The following MINDY2 variants were observed in gnomAD, a reference collection of about 807,000 sequenced individuals.
MINDY2 encodes the protein MINDY lysine 48 deubiquitinase 2, also known as ubiquitin carboxyl-terminal hydrolase MINDY-2.
Under a neutral mutation model 68.2 loss-of-function variants are expected in MINDY2, and 52 were observed. The ratio of observed to expected loss-of-function variants is 0.76; its 90% CI spans 0.61 to 0.96. The LOEUF (loss-of-function observed/expected upper bound fraction) is 0.96, where lower values mean the gene tolerates loss of function less well. Ranked by LOEUF, MINDY2 falls within the 40% of genes least tolerant of loss-of-function variation. The probability of loss-of-function intolerance (pLI) is 0.00; values close to 1 mark genes in which losing one functional copy is unlikely to be tolerated. For synonymous variants in MINDY2, 372 were observed against 303.0 expected, an observed-to-expected ratio of 1.23 and a Z score of -2.36; for missense variants, 881 against 773.4, an observed-to-expected ratio of 1.14 and a Z score of -1.65.
rs535488988 is a variant in MINDY2, at chr15:58,857,398, G to C, written c.*2788G>C. On this transcript the variant is annotated 3_prime_UTR_variant, in exon 9 of 9. Transcript: ENST00000559228. ...AAAATACAATAATTAGCCAGGCATGGTGGCGGGCACCTGTCATCCCAGCTA... is the reference window on the plus strand; with the variant it reads ...AAAATACAATAATTAGCCAGGCATGCTGGCGGGCACCTGTCATCCCAGCTA... 1 of 152,380 alleles carries C rather than the reference G, an allele frequency of 6.6e-6. No individual in the cohort carries two copies. Among genetic ancestry groups the C allele is most frequent in the East Asian group, 1.9e-4 (1 of 5,190 alleles). The allele number at this position is 152,380 out of a possible 1,614,324, so 9.4% of individuals were successfully genotyped here.
intron 2 of MINDY2, among the ~76,000 whole-genome samples, chr15:58,795,068 C>T (rs1902191828): frequency 6.6e-6 from 1 of 151,724 alleles, no homozygotes; most frequent in African/African-American, 2.4e-5. Context: ...CCCAGCTGCT[C>T]GGGAGGCGGA....
intron 5 of MINDY2, among the ~76,000 whole-genome samples, chr15:58,826,933 C>A (rs991460550): frequency 6.6e-6 from 1 of 151,978 alleles, no homozygotes. Context: ...TTGCTTCCTC[C>A]CTCCTTTCCT....
At position 58,847,489 on chromosome 15, in the gene MINDY2, C is replaced by G. The variant is rs756359477; in HGVS notation, c.1542+19C>G. ...AGATCAGGTAAATTTGTATTGTCGT[C>G]TTTATAGTGGTTAAAATGCTGATTT... is the stretch of plus-strand genomic sequence containing the variant. On this transcript the variant is annotated intron_variant, in intron 7 of 8. Transcript: ENST00000559228. 1 of 1,502,186 alleles carries G rather than the reference C, an allele frequency of 6.7e-7. No individual in the cohort carries two copies. The highest frequency in any genetic ancestry group is 9.0e-7 in the Non-Finnish European group (1 of 1,110,382). The allele number at this position is 1,502,186 out of a possible 1,614,324, so 93.1% of individuals were successfully genotyped here. A position where few individuals can be genotyped will look rare whatever the true frequency, so the allele number is the denominator to read the frequency against.
At chr15:58,848,067 G>A (rs898093004) in intron 7 of MINDY2, among the ~76,000 whole-genome samples, 2 of 113,032 alleles carry the variant, frequency 1.8e-5, no homozygotes, top group South Asian at 7.3e-4. Flanking sequence ...TTAGAAATGA[G>A]ACAGATGAGA....
chr15:58,779,074 T>C (rs1900967060), intron 1 of MINDY2, among the ~76,000 whole-genome samples: 1 of 151,950 alleles, frequency 6.6e-6, no homozygotes, highest in African/African-American at 2.4e-5. Flanking sequence ...TTTTTTTTTT[T>C]TCTCTTTAGA....
intron 4 of MINDY2, among the ~76,000 whole-genome samples, chr15:58,814,819 C>T (rs1179155133): frequency 4.9e-5 from 6 of 121,952 alleles, no homozygotes; most frequent in East Asian, 2.8e-4. Flanking sequence ...TTTTTAGAAA[C>T]GGCGTGTCAC....
At chr15:58,851,027 G>A (rs1362693166) in intron 7 of MINDY2, among the ~76,000 whole-genome samples, 5 of 151,830 alleles carry the variant, frequency 3.3e-5, no homozygotes, top group Admixed American at 6.6e-5. Context: ...AGGCTGGAGC[G>A]CAGTGGCGTG....
At chr15:58,802,646 C>T (rs1209966489) in intron 3 of MINDY2, among the ~76,000 whole-genome samples, 1 of 151,538 alleles carries the variant, frequency 6.6e-6, no homozygotes, top group African/African-American at 2.4e-5. Flanking sequence ...TTTCTCATTC[C>T]ATGAGAGATC....
At chr15:58,781,156 TCTC>T (rs1258504492) in intron 1 of MINDY2, among the ~76,000 whole-genome samples, 1 of 152,102 alleles carries the variant, frequency 6.6e-6, no homozygotes, top group Non-Finnish European at 1.5e-5. Context: ...TTCAAGCTAT[TCTC>T]CTGCCTCAGC....
Position 58,771,923 on chromosome 15 carries a change from G to A in MINDY2, c.528G>A (p.Leu176=). ...GGGAATCTCCGAGCCTGGACTCTCTGGAGTCGTTCTCTAACCTGCATTCTT... is the reference window on the plus strand; with the variant it reads ...GGGAATCTCCGAGCCTGGACTCTCTAGAGTCGTTCTCTAACCTGCATTCTT... The part of the protein sequence containing the change: ...PPGESPSLDS[L]ESFSNLHSFP... Residue 176 remains leucine (L), a synonymous_variant, in exon 1 of 9, where the codon CTG becomes CTA. Coordinates refer to ENST00000559228, the MANE Select transcript of MINDY2 (RefSeq NM_001040450.3). The A allele has an allele frequency of 6.4e-7, 1 of 1,555,830 alleles. No individual in the cohort carries two copies. Among genetic ancestry groups the A allele is most frequent in the Non-Finnish European group, 8.7e-7 (1 of 1,152,854 alleles).
intron 6 of MINDY2, among the ~76,000 whole-genome samples, chr15:58,833,576 G>A (rs1468621431): frequency 1.3e-5 from 2 of 152,202 alleles, no homozygotes; most frequent in East Asian, 1.9e-4. Flanking sequence ...GAGAAGGTCA[G>A]AAGGTAAACA....
intron 2 of MINDY2, among the ~76,000 whole-genome samples, chr15:58,791,215 T>TTTTATATATATATA (rs1344616079): frequency 6.3e-5 from 5 of 79,610 alleles, no homozygotes; most frequent in Non-Finnish European, 1.6e-4. Flanking sequence ...GAAAGCAATT[T>TTTTATATATATATA]TATATATATA....
rs1446203493 is a variant in MINDY2, at chr15:58,777,493, G to A, written c.840+5258G>A. ...TCATTCATAATCTATTAAGTAGTTG[G>A]CTAGGCAGTGTGGCTAACGCCTGGA... On this transcript the variant is annotated intron_variant, in intron 1 of 8. Transcript: ENST00000559228. Among the ~76,000 whole-genome samples, 4 of 152,246 alleles carry A rather than the reference G, an allele frequency of 2.6e-5. No individual in the cohort carries two copies. The East Asian group carries it at 7.7e-4, about 29-fold the overall frequency.
At chr15:58,849,641 C>A (rs1479404694) in intron 7 of MINDY2, among the ~76,000 whole-genome samples, 1 of 152,172 alleles carries the variant, frequency 6.6e-6, no homozygotes, top group African/African-American at 2.4e-5. Flanking sequence ...TCATAAAGAG[C>A]AGAGTTTGAA....
At chr15:58,804,048 G>C (rs1467786519) in intron 3 of MINDY2, among the ~76,000 whole-genome samples, 1 of 151,350 alleles carries the variant, frequency 6.6e-6, no homozygotes, top group Non-Finnish European at 1.5e-5. Context: ...AGAATGGCGT[G>C]AACCTGGGAG....
In MINDY2 at chr15:58,831,807, C is replaced by T. The variant is rs1250024394; in HGVS notation, c.1259C>T (p.Ala420Val). 1.2e-6 allele frequency: 2 copies of T among 1,613,262 alleles called. No homozygotes were observed. The highest frequency in any genetic ancestry group is 1.7e-6 in the Non-Finnish European group (2 of 1,179,660). ...FVAEQFLNNT[A>V]TQLTYHGLCE... ...GCTGAGCAGTTTCTAAATAACACAG[C>T]CACTCAACTGACATACCATGGATTA... The change falls in exon 6 of 9, where the codon GCC becomes GTC. Residue 420 changes from alanine to valine, a missense_variant. Transcript: ENST00000559228.
chr15:58,826,868 CCCTT>C (rs2031429762), intron 5 of MINDY2, among the ~76,000 whole-genome samples: 1 of 151,602 alleles, frequency 6.6e-6, no homozygotes, highest in Non-Finnish European at 1.5e-5. Context: ...CTCCCTTCCT[CCCTT>C]CCTTCCTTCA....
chr15:58,839,454 C>G (rs1369876047), intron 6 of MINDY2, among the ~76,000 whole-genome samples: 1 of 152,046 alleles, frequency 6.6e-6, no homozygotes, highest in Non-Finnish European at 1.5e-5. Flanking sequence ...GCCTCAGCCC[C>G]CGGAGTAGCT....
At chr15:58,850,007 GAT>G (rs2032737690) in intron 7 of MINDY2, among the ~76,000 whole-genome samples, 1 of 152,182 alleles carries the variant, frequency 6.6e-6, no homozygotes, top group African/African-American at 2.4e-5. Flanking sequence ...AAAGTGCTGG[GAT>G]TACAGGCGTG....
Sources: gnomAD v4.1 joint callset for allele counts (sites outside exome capture counted in the v4.1 genomes callset) on GRCh38, gnomAD v4.1.1 for gene constraint, MANE v1.5 for transcripts, NCBI Gene and HGNC (gene_info 2026-07-23, HGNC 2026-07-21) for gene names.